Variants in PML observed in about 807,000 individuals in gnomAD.
PML encodes protein PML.
Under a neutral mutation model 65.2 loss-of-function variants are expected in PML, and 28 were observed. The ratio of observed to expected loss-of-function variants is 0.43; its 90% CI spans 0.32 to 0.59. PML has a LOEUF of 0.59. Among genes scored for constraint, PML ranks in the 20% least tolerant of loss-of-function variants. The pLI is 0.08. For synonymous variants in PML, 500 were observed against 508.8 expected, an observed-to-expected ratio of 0.98 and a Z score of 0.23; for missense variants, 1,021 against 1,203.4, an observed-to-expected ratio of 0.85 and a Z score of 2.24.
chr15:73,995,743 TTTTG>T (rs150502331), intron 1 of PML, among the ~76,000 whole-genome samples: 6,341 of 152,232 alleles, frequency 0.042, 208 homozygotes, highest in East Asian at 0.18. Context: ...TTGCTTTGTT[TTTTG>T]TTTGTTTGTT....
chr15:74,036,089 G>C, intron 7 of PML: 2 of 1,613,712 alleles, frequency 1.2e-6, no homozygotes, highest in Non-Finnish European at 1.7e-6. Flanking sequence ...ATCAACGAAT[G>C]AATGGCTATG....
Position 74,035,846 on chromosome 15 carries a change from A to G in PML, c.1710+1316A>G. ...TCAGAGGCTCCATGGAGGCCTCTCA[A>G]GTCCAAGTGCCTCTGGAAGCCTCTC... On this transcript the variant is annotated intron_variant, in intron 7 of 8. Transcript: ENST00000268058. The surrounding 1 kb of genome is among the most constrained non-coding windows in gnomAD (Gnocchi z 4.1). 1 of 1,613,864 alleles carries G rather than the reference A, an allele frequency of 6.2e-7. No homozygotes were observed. Among genetic ancestry groups the G allele is most frequent in the Middle Eastern group, 1.7e-4 (1 of 6,060 alleles).
In PML at chr15:74,009,037, A is replaced by G. The variant is rs534668038; in HGVS notation, c.602+10561A>G. 3.3e-5 allele frequency among the ~76,000 whole-genome samples: 5 copies of G among 152,296 alleles called. No individual in the cohort carries two copies. The South Asian group carries it at 1.0e-3, about 32-fold the overall frequency. On this transcript the variant is annotated intron_variant, in intron 2 of 8. Transcript: ENST00000268058. ...AGGTCCAGGTGGGGGTGAGGCCTGC[A>G]AGAATGCAGAGATGGAGGGGTGTGG...
intron 1 of PML, among the ~76,000 whole-genome samples, chr15:73,996,824 T>G (rs1381987548): frequency 6.6e-6 from 1 of 152,206 alleles, no homozygotes; most frequent in Admixed American, 6.5e-5. Flanking sequence ...TAACTTCTAA[T>G]CTACCTTCTG....
chr15:74,028,345 G>A (rs898725322), intron 4 of PML: 1 of 151,856 alleles, frequency 6.6e-6, no homozygotes, highest in African/African-American at 2.4e-5. Flanking sequence ...GGCCTTCGGG[G>A]AGTTCGTGGC....
Position 74,035,239 on chromosome 15 carries a change from C to T in PML, c.1710+709C>T, listed in dbSNP as rs765346623. The stretch of plus-strand genomic sequence containing the variant: ...GCCCACTCCTCGCCAGCCCACTCCT[C>T]GCCAGCCCACTCCTCGCCAGTCCAG... On this transcript the variant is annotated intron_variant, in intron 7 of 8. Coordinates refer to ENST00000268058, the MANE Select transcript of PML (RefSeq NM_033238.3). This position sits in a 1 kb window ranked among gnomAD's most constrained non-coding sequence, Gnocchi z 4.1. 7.5e-6 allele frequency: 12 copies of T among 1,606,568 alleles called. No individual in the cohort carries two copies. In the Middle Eastern group the frequency reaches 5.0e-4, roughly 66 times the overall value.
intron 2 of PML, among the ~76,000 whole-genome samples, chr15:74,005,398 G>A (rs2069992119): frequency 6.6e-6 from 1 of 151,976 alleles, no homozygotes; most frequent in East Asian, 1.9e-4. Flanking sequence ...TATGGATATT[G>A]GAACTCCAAG....
chr15:74,022,533 C>G (rs899847859), intron 2 of PML, among the ~76,000 whole-genome samples: 1 of 152,148 alleles, frequency 6.6e-6, no homozygotes, highest in Non-Finnish European at 1.5e-5. Flanking sequence ...CTGGTGCTTC[C>G]TCGGTGGGGA....
At chr15:74,003,010 C>CA (rs1437645331) in intron 2 of PML, among the ~76,000 whole-genome samples, 4 of 152,210 alleles carry the variant, frequency 2.6e-5, no homozygotes, top group Admixed American at 6.5e-5. Context: ...CCTCTCGTCC[C>CA]AGCTATTCGG....
At chr15:74,016,758 A>T (rs535120869) in intron 2 of PML, among the ~76,000 whole-genome samples, 7 of 141,104 alleles carry the variant, frequency 5.0e-5, no homozygotes, top group Non-Finnish European at 9.3e-5. Flanking sequence ...CTTTCAAAAA[A>T]ATATACAGTT....
chr15:74,002,700 C>T (rs545525280), intron 2 of PML, among the ~76,000 whole-genome samples: 54 of 151,252 alleles, frequency 3.6e-4, no homozygotes, highest in African/African-American at 8.0e-4. Context: ...GTGATCCACC[C>T]GCCTCAGCCT....
In PML at chr15:74,037,772, G is replaced by T; in HGVS notation, c.1710+3242G>T. The T allele has an allele frequency of 1.1e-6, 1 of 949,864 alleles. No individual in the cohort carries two copies. The highest frequency in any genetic ancestry group is 1.3e-6 in the Non-Finnish European group (1 of 797,490). 58.8% of individuals were successfully genotyped at this position (949,864 alleles called of 1,614,324 possible). ...GCAGGCTCTGTTTTTTCTTGGTTGTGGTGCTCCTGCAGGTTTGCTGCTGGG... is the reference window on the plus strand; with the variant it reads ...GCAGGCTCTGTTTTTTCTTGGTTGTTGTGCTCCTGCAGGTTTGCTGCTGGG... On this transcript the variant is annotated intron_variant, in intron 7 of 8. Transcript: ENST00000268058. This position sits in a 1 kb window ranked among gnomAD's most constrained non-coding sequence, Gnocchi z 4.2.
rs2071762419 is a variant in PML, at chr15:74,045,531, C to G, written c.*523C>G. On this transcript the variant is annotated 3_prime_UTR_variant, in exon 9 of 9. Transcript: ENST00000268058. Reference sequence around the variant, plus strand: ...TAGGGTCCCCCACCCTCCACCTGCCCAGAGGCCAACTCTGTTCCCTTCTCC... The same window carrying G: ...TAGGGTCCCCCACCCTCCACCTGCCGAGAGGCCAACTCTGTTCCCTTCTCC... 1 of 236,436 alleles carries G rather than the reference C, an allele frequency of 4.2e-6. No individual in the cohort carries two copies. The highest frequency in any genetic ancestry group is 1.7e-4 in the South Asian group (1 of 5,728). 14.6% of individuals were successfully genotyped at this position (236,436 alleles called of 1,614,324 possible). A position where few individuals can be genotyped will look rare whatever the true frequency, so the allele number is the denominator to read the frequency against.
intron 3 of PML, among the ~76,000 whole-genome samples, chr15:74,023,676 A>T (rs1340141874): frequency 6.6e-6 from 1 of 152,156 alleles, no homozygotes; most frequent in Non-Finnish European, 1.5e-5. Context: ...GGAACACGTG[A>T]AAGTTGAAAA....
chr15:74,021,171 T>C (rs1354052772), intron 2 of PML, among the ~76,000 whole-genome samples: 1 of 152,174 alleles, frequency 6.6e-6, no homozygotes, highest in Non-Finnish European at 1.5e-5. Context: ...ATCCTTAAAA[T>C]GGGGATAATA....
At position 74,045,430 on chromosome 15, in the gene PML, A is replaced by C. The variant is rs1443806541; in HGVS notation, c.*422A>C. ...GACAGCTCCCACACAGAACAGTCTGAGGTGATGCTGGCTACAGCCCTGGCA... is the reference window on the plus strand; with the variant it reads ...GACAGCTCCCACACAGAACAGTCTGCGGTGATGCTGGCTACAGCCCTGGCA... On this transcript the variant is annotated 3_prime_UTR_variant, in exon 9 of 9. Transcript: ENST00000268058. The C allele has an allele frequency of 1.2e-5, 3 of 259,074 alleles. No homozygotes were observed. Among genetic ancestry groups the C allele is most frequent in the Non-Finnish European group, 1.5e-5 (2 of 135,038 alleles). 16.0% of individuals were successfully genotyped at this position (259,074 alleles called of 1,614,324 possible).
chr15:74,004,338 G>A (rs2069932359), intron 2 of PML, among the ~76,000 whole-genome samples: 1 of 152,146 alleles, frequency 6.6e-6, no homozygotes, highest in Non-Finnish European at 1.5e-5. Context: ...TTCTTGCTCT[G>A]TTGCCCAGGC....
intron 1 of PML, among the ~76,000 whole-genome samples, chr15:73,997,257 C>A (rs145418511): frequency 6.6e-6 from 1 of 152,184 alleles, no homozygotes; most frequent in African/African-American, 2.4e-5. Flanking sequence ...GTTTTCCTTT[C>A]GATTTAGTTC....
In PML at chr15:74,043,512, TGAGTA is replaced by T; in HGVS notation, c.1861+377_1861+381del. The T allele has an allele frequency of 2.1e-6, 1 of 470,166 alleles. No homozygotes were observed. The highest frequency in any genetic ancestry group is 9.1e-5 in the South Asian group (1 of 10,992). 29.1% of individuals were successfully genotyped at this position (470,166 alleles called of 1,614,324 possible). The stretch of plus-strand genomic sequence containing the variant: ...GGCCTCTGGCTGTGCTACACGTTTC[TGAGTA>T]GAGGGCCAATCCCACAGGTGGCTGC... On this transcript the variant is annotated intron_variant, in intron 8 of 8. Coordinates refer to ENST00000268058, the MANE Select transcript of PML (RefSeq NM_033238.3). The surrounding 1 kb of genome is among the most constrained non-coding windows in gnomAD (Gnocchi z 4.3).
Sources: allele counts gnomAD v4.1 joint callset (sites outside exome capture counted in the v4.1 genomes callset), GRCh38; gene constraint gnomAD v4.1.1; non-coding constraint Gnocchi (gnomAD v3.1); transcripts MANE v1.5; gene names NCBI Gene and HGNC (gene_info 2026-07-23, HGNC 2026-07-21).